TENM2: variants seen among roughly 807,000 people sequenced by gnomAD.
TENM2 encodes the protein teneurin-2.
A neutral mutation model predicts 245.2 loss-of-function variants in TENM2; 52 were observed. The ratio of observed to expected loss-of-function variants is 0.21; its 90% confidence interval spans 0.17 to 0.27. The LOEUF is 0.27. Among genes scored for constraint, TENM2 ranks in the 10% least tolerant of loss-of-function variants. The pLI, the probability that TENM2 is intolerant of heterozygous loss-of-function variation, is 1.00. For missense variants in TENM2, 3,046 were observed against 3,666.8 expected, an observed-to-expected ratio of 0.83 and a Z score of 4.37; for synonymous variants, 1,363 against 1,438.9, an observed-to-expected ratio of 0.95 and a Z score of 1.19.
At chr5:168,043,703 T>C (rs1189485661) in intron 5 of TENM2, among the ~76,000 whole-genome samples, 2 of 152,330 alleles carry the variant, frequency 1.3e-5, no homozygotes, top group Non-Finnish European at 1.5e-5. Context: ...AGTTCATGTC[T>C]TCATACATGC....
intron 2 of TENM2, among the ~76,000 whole-genome samples, chr5:167,600,328 T>A (rs191665261): frequency 6.6e-6 from 1 of 152,148 alleles, no homozygotes. Flanking sequence ...AGAACCTTTT[T>A]TTGTTAATAG....
chr5:167,401,049 C>A (rs1762339322), intron 2 of TENM2, among the ~76,000 whole-genome samples: 1 of 151,978 alleles, frequency 6.6e-6, no homozygotes, highest in Non-Finnish European at 1.5e-5. Flanking sequence ...TGTGATTTTG[C>A]CACTGCACTC....
intron 2 of TENM2, among the ~76,000 whole-genome samples, chr5:167,698,672 G>GTTTT (rs1561683344): frequency 4.8e-4 from 49 of 102,064 alleles, no homozygotes; most frequent in African/African-American, 1.8e-3. Flanking sequence ...GTTTTGTTTT[G>GTTTT]TTTTTTGTTT....
intron 2 of TENM2, among the ~76,000 whole-genome samples, chr5:167,795,276 AC>A (rs1765239843): frequency 6.6e-6 from 1 of 152,184 alleles, no homozygotes; most frequent in South Asian, 2.1e-4. Context: ...TGTGCAGGAA[AC>A]ACAGGTAAGA....
chr5:167,392,373 G>A (rs1761808343), intron 2 of TENM2, among the ~76,000 whole-genome samples: 1 of 152,134 alleles, frequency 6.6e-6, no homozygotes, highest in South Asian at 2.1e-4. Flanking sequence ...TTGAATTAGT[G>A]GACTGAGGAA....
chr5:167,098,314 C>T, the TENM2 span, among the ~76,000 whole-genome samples: 3 of 152,282 alleles, frequency 2.0e-5, no homozygotes, highest in South Asian at 2.1e-4. Flanking sequence ...CCCATTTCTT[C>T]GTTTCTTGTT....
chr5:167,571,911 T>A (rs372774290), intron 2 of TENM2, among the ~76,000 whole-genome samples: 1 of 152,346 alleles, frequency 6.6e-6, no homozygotes, highest in Admixed American at 6.5e-5. Flanking sequence ...CAATACACTC[T>A]GCAAAATGTC....
At chr5:167,710,680 T>G (rs1758851287) in intron 2 of TENM2, among the ~76,000 whole-genome samples, 1 of 152,076 alleles carries the variant, frequency 6.6e-6, no homozygotes, top group Non-Finnish European at 1.5e-5. Context: ...AGGGCAGATT[T>G]CAAAGAGCCT....
the TENM2 span, among the ~76,000 whole-genome samples, chr5:167,084,365 A>ATATATATATATATATATG: frequency 9.0e-5 from 11 of 122,478 alleles, no homozygotes; most frequent in African/African-American, 3.3e-4. Flanking sequence ...ATATATATAT[A>ATATATATATATATATATG]TACAGATCAG....
At position 167,763,802 on chromosome 5, in the gene TENM2, C is replaced by T. The variant is rs375373185; in HGVS notation, c.503-112184C>T. ...TGTTTACTTTAATTAAGCTTTCCTC[C>T]GGCTCTCCAACTTGTTGAGCTTGAC... On this transcript the variant is annotated intron_variant, in intron 2 of 28. Coordinates refer to ENST00000518659, the Ensembl canonical transcript of TENM2. Among the ~76,000 whole-genome samples the T allele has an allele frequency of 3.9e-4, 59 of 152,234 alleles. 1 individual carries two copies. The East Asian group carries it at 5.2e-3, about 13-fold the overall frequency.
chr5:168,098,062 A>G (rs1195189010), exon 9 of TENM2: 8 of 1,613,624 alleles, frequency 5.0e-6, no homozygotes, highest in Non-Finnish European at 5.9e-6. Context: ...TGCCATGGGA[A>G]TGGTGAATGT....
At chr5:167,637,183 A>G (rs1445540005) in intron 2 of TENM2, among the ~76,000 whole-genome samples, 1 of 152,212 alleles carries the variant, frequency 6.6e-6, no homozygotes, top group Non-Finnish European at 1.5e-5. Context: ...TGCTATCACT[A>G]TGATTGTTGC....
chr5:167,158,252 A>G, the TENM2 span, among the ~76,000 whole-genome samples: 3 of 152,214 alleles, frequency 2.0e-5, no homozygotes, highest in Admixed American at 6.5e-5. Context: ...ATTATGAAGC[A>G]GGCACCTTTG....
intron 2 of TENM2, among the ~76,000 whole-genome samples, chr5:167,636,195 C>A (rs1184169380): frequency 1.3e-5 from 2 of 152,040 alleles, no homozygotes; most frequent in African/African-American, 4.8e-5. Context: ...AATAATAAAT[C>A]TTTTAGCTGA....
chr5:167,703,530 C>CAAAAAAAAAAAAAAAAAAAAAA (rs747603141), intron 2 of TENM2, among the ~76,000 whole-genome samples: 2 of 97,170 alleles, frequency 2.1e-5, no homozygotes, highest in African/African-American at 6.4e-5. Flanking sequence ...GAAACCATCT[C>CAAAAAAAAAAAAAAAAAAAAAA]AAAAAAAAAA....
At chr5:167,302,300 T>C (rs918304566) in intron 1 of TENM2, among the ~76,000 whole-genome samples, 1 of 151,868 alleles carries the variant, frequency 6.6e-6, no homozygotes, top group African/African-American at 2.4e-5. Flanking sequence ...TTAGGTCAGG[T>C]GTGAGTTGAA....
chr5:167,269,536 TACAC>T, the TENM2 span, among the ~76,000 whole-genome samples: 7 of 150,720 alleles, frequency 4.6e-5, no homozygotes, highest in South Asian at 2.1e-4. Context: ...AAATAGTGAC[TACAC>T]ACACACACAC....
the TENM2 span, among the ~76,000 whole-genome samples, chr5:167,202,878 T>G: frequency 6.6e-6 from 1 of 152,064 alleles, no homozygotes; most frequent in African/African-American, 2.4e-5. Flanking sequence ...CCTTAGCAAA[T>G]GACCTACACA....
intron 2 of TENM2, among the ~76,000 whole-genome samples, chr5:167,701,520 G>A (rs188136324): frequency 2.6e-5 from 4 of 151,990 alleles, no homozygotes; most frequent in African/African-American, 9.7e-5. Context: ...ACATAGGTTC[G>A]TGACATGTAA....
Sources: gnomAD v4.1 joint callset for allele counts (sites outside exome capture counted in the v4.1 genomes callset) on GRCh38, gnomAD v4.1.1 for gene constraint, MANE v1.5 for transcripts, NCBI Gene and HGNC (gene_info 2026-07-23, HGNC 2026-07-21) for gene names.